Variants in NR5A2 observed in about 807,000 individuals in gnomAD.
NR5A2 encodes the protein CYP7A promoter-binding factor.
A neutral mutation model predicts 62.7 loss-of-function variants in NR5A2; 26 were observed. The ratio of observed to expected loss-of-function variants is 0.41; its 90% confidence interval spans 0.30 to 0.58. NR5A2 has a LOEUF of 0.58. NR5A2 is among the 20% of genes least tolerant of loss of function. The probability of loss-of-function intolerance (pLI) is 0.22; values close to 1 mark genes in which losing one functional copy is unlikely to be tolerated. For synonymous variants in NR5A2, 246 were observed against 241.7 expected, an observed-to-expected ratio of 1.02 and a Z score of -0.16; for missense variants, 541 against 669.1, an observed-to-expected ratio of 0.81 and a Z score of 2.11.
rs183184634 is a variant in NR5A2, at chr1:200,166,910, G to T, written c.1379-7053G>T. Among the ~76,000 whole-genome samples the T allele has an allele frequency of 3.3e-5, 5 of 152,324 alleles. No individual in the cohort carries two copies. In the East Asian group the frequency reaches 9.6e-4, roughly 29 times the overall value. On this transcript the variant is annotated intron_variant, in intron 7 of 7. Transcript: ENST00000367362. The stretch of plus-strand genomic sequence containing the variant: ...CACTTGTCACATTAATTGGTGTTTG[G>T]TAAATGTTATTTCCTCCCTCATTCT...
chr1:200,133,526 T>TATAC (rs1416690757), intron 7 of NR5A2, among the ~76,000 whole-genome samples: 25 of 87,412 alleles, frequency 2.9e-4, no homozygotes, highest in African/African-American at 7.8e-4. Context: ...TATATATATA[T>TATAC]ACACACACAT....
chr1:200,039,312 A>C lies in NR5A2; in HGVS notation c.65-346A>C, dbSNP rs942621924. Among the ~76,000 whole-genome samples the C allele has an allele frequency of 1.3e-5, 2 of 151,974 alleles. No homozygotes were observed. Among genetic ancestry groups the C allele is most frequent in the African/African-American group, 4.8e-5 (2 of 41,410 alleles). On this transcript the variant is annotated intron_variant, in intron 1 of 7. Coordinates refer to ENST00000367362, the MANE Select transcript of NR5A2 (RefSeq NM_205860.3). This position sits in a 1 kb window ranked among gnomAD's most constrained non-coding sequence, Gnocchi z 5.1. ...TGGCAGCGGCACAGCCGGGGCGGCA[A>C]TAGCAGCCCCGCGGTCGCCTCCGCT...
rs374594498 is a variant in NR5A2, at chr1:200,048,512, C to T, written c.804C>T (p.Ala268=). The part of the protein sequence containing the change: ...YQTYGHFPSR[A]IKSEYPDPYT... ...CATATGGCCACTTTCCTAGCCGGGCCATCAAGTCTGAGTACCCAGACCCCT... is the reference window on the plus strand; with the variant it reads ...CATATGGCCACTTTCCTAGCCGGGCTATCAAGTCTGAGTACCCAGACCCCT... The change falls in exon 5 of 8, where the codon GCC becomes GCT. Residue 268 remains alanine (A), a synonymous_variant. Coordinates refer to ENST00000367362, the MANE Select transcript of NR5A2 (RefSeq NM_205860.3). This position sits in a 1 kb window ranked among gnomAD's most constrained non-coding sequence, Gnocchi z 4.8. 2 of 1,614,190 alleles carry T rather than the reference C, an allele frequency of 1.2e-6. No homozygotes were observed. Among genetic ancestry groups the T allele is most frequent in the South Asian group, 2.2e-5 (2 of 91,080 alleles).
Position 200,048,743 on chromosome 1 carries a change from G to A in NR5A2, c.1035G>A (p.Met345Ile). 3.1e-6 allele frequency: 5 copies of A among 1,614,228 alleles called. No homozygotes were observed. Among genetic ancestry groups the A allele is most frequent in the Non-Finnish European group, 3.4e-6 (4 of 1,180,038 alleles). The stretch of plus-strand genomic sequence containing the variant: ...AAAAGCTGAGCACCTTTGGGCTTAT[G>A]TGCAAAATGGCAGATCAAACTCTCT... ...KHEKLSTFGL[M>I]CKMADQTLFS... The change falls in exon 5 of 8, where the codon ATG (methionine) becomes ATA (isoleucine). Residue 345 changes from methionine to isoleucine, a missense_variant. Met to Ile is a conservative substitution (Grantham distance 10). Around this residue, in one of 3 missense-constraint regions of NR5A2, gnomAD observed 379 missense variants for 442.0 expected, o/e 0.86. Coordinates refer to ENST00000367362, the MANE Select transcript of NR5A2 (RefSeq NM_205860.3). This position sits in a 1 kb window ranked among gnomAD's most constrained non-coding sequence, Gnocchi z 4.8.
chr1:200,091,671 G>T (rs1664822643), intron 5 of NR5A2, among the ~76,000 whole-genome samples: 1 of 151,990 alleles, frequency 6.6e-6, no homozygotes, highest in African/African-American at 2.4e-5. Flanking sequence ...TTTTAATAGA[G>T]ATCGGGTTTC....
At chr1:200,145,924 A>G (rs1667680034) in intron 7 of NR5A2, among the ~76,000 whole-genome samples, 1 of 152,262 alleles carries the variant, frequency 6.6e-6, no homozygotes, top group African/African-American at 2.4e-5. Flanking sequence ...GTACACAGAT[A>G]TAAGTACACC....
chr1:200,142,464 G>A (rs1210967736), intron 7 of NR5A2, among the ~76,000 whole-genome samples: 1 of 151,686 alleles, frequency 6.6e-6, no homozygotes, highest in Non-Finnish European at 1.5e-5. Flanking sequence ...CCAAAGTGCT[G>A]GGATTATAGG....
Position 200,039,714 on chromosome 1 carries a change from A to G in NR5A2, c.121A>G (p.Met41Val). Reference protein sequence around the residue: ...SPIPARGRLVMLPKVETEALG... With the variant: ...SPIPARGRLVVLPKVETEALG... Reference sequence around the variant, plus strand: ...CATCCCCGCCCGCGGTCGCCTTGTCATGCTGCCCAAAGTGGAGACGGAAGC... The same window carrying G: ...CATCCCCGCCCGCGGTCGCCTTGTCGTGCTGCCCAAAGTGGAGACGGAAGC... The change falls in exon 2 of 8, where the codon ATG (methionine) becomes GTG (valine). Residue 41 changes from methionine to valine, a missense_variant. Around this residue, in one of 3 missense-constraint regions of NR5A2, gnomAD observed 108 missense variants for 103.3 expected, o/e 1.05. Coordinates refer to ENST00000367362, the MANE Select transcript of NR5A2 (RefSeq NM_205860.3). The surrounding 1 kb of genome is among the most constrained non-coding windows in gnomAD (Gnocchi z 5.1). 1.2e-6 allele frequency: 2 copies of G among 1,611,840 alleles called. No individual in the cohort carries two copies. The highest frequency in any genetic ancestry group is 8.5e-7 in the Non-Finnish European group (1 of 1,179,032).
chr1:200,028,683 C>T (rs1049387551), intron 1 of NR5A2, among the ~76,000 whole-genome samples: 5 of 152,162 alleles, frequency 3.3e-5, no homozygotes, highest in African/African-American at 1.2e-4. Context: ...AAGTCAGGCC[C>T]TTCTGCCTTT....
At position 200,111,370 on chromosome 1, in the gene NR5A2, T is replaced by C. The variant is rs1011284704; in HGVS notation, c.1230+49T>C. 4 of 1,565,882 alleles carry C rather than the reference T, an allele frequency of 2.6e-6. No homozygotes were observed. In the African/African-American group the frequency reaches 4.2e-5, roughly 16 times the overall value. On this transcript the variant is annotated intron_variant, in intron 6 of 7. Transcript: ENST00000367362. ...AAAAAAAGCATCTTTTTATTAAGCA[T>C]GTTCAGAATGGCCGGAATTTAACTA...
chr1:200,063,169 G>T (rs183275951), intron 5 of NR5A2, among the ~76,000 whole-genome samples: 1 of 151,772 alleles, frequency 6.6e-6, no homozygotes, highest in Non-Finnish European at 1.5e-5. Flanking sequence ...GATTACAGGC[G>T]CATGCCACCA....
rs555260990 is a variant in NR5A2 at position 200,059,089 on chromosome 1, G to A, written c.1110+10271G>A. ...CGCACTACTGCACTCCAGCCTGGGC[G>A]GCAGAGTGAGACTTTGTCTTAAAAA... On this transcript the variant is annotated intron_variant, in intron 5 of 7. Coordinates refer to ENST00000367362, the MANE Select transcript of NR5A2 (RefSeq NM_205860.3). Among the ~76,000 whole-genome samples, 11 of 152,004 alleles carry A rather than the reference G, an allele frequency of 7.2e-5. No homozygotes were observed. The East Asian group carries it at 1.6e-3, about 22-fold the overall frequency.
At chr1:200,123,848 C>T (rs1010922099) in intron 7 of NR5A2, among the ~76,000 whole-genome samples, 8 of 144,288 alleles carry the variant, frequency 5.5e-5, no homozygotes, top group African/African-American at 7.8e-5. Context: ...GGTGCCCAGG[C>T]GGGAGTGCAA....
chr1:200,040,685 C>T (rs553433847), intron 2 of NR5A2, among the ~76,000 whole-genome samples: 8 of 152,322 alleles, frequency 5.3e-5, no homozygotes, highest in South Asian at 2.1e-4. Flanking sequence ...ATGTGCGGGC[C>T]GGCGGGCCTG....
intron 5 of NR5A2, among the ~76,000 whole-genome samples, chr1:200,063,104 A>AC (rs1337375763): frequency 4.6e-5 from 7 of 151,712 alleles, no homozygotes; most frequent in African/African-American, 1.7e-4. Flanking sequence ...GCTCACTGCA[A>AC]CCCCTGCCTC....
intron 3 of NR5A2, among the ~76,000 whole-genome samples, 154 bp from the exon 4 acceptor site, chr1:200,045,289 G>T (rs964277662): frequency 1.3e-5 from 2 of 152,154 alleles, no homozygotes; most frequent in African/African-American, 2.4e-5. Flanking sequence ...GTTTGGGAAG[G>T]TTGATGTTGC....
At chr1:200,074,657 A>G (rs1483250937) in intron 5 of NR5A2, among the ~76,000 whole-genome samples, 9 of 146,030 alleles carry the variant, frequency 6.2e-5, no homozygotes, top group Non-Finnish European at 1.3e-4. Context: ...GAATGGCGGG[A>G]ACCCAGGAGG....
intron 7 of NR5A2, among the ~76,000 whole-genome samples, chr1:200,145,360 A>ATT (rs201669447): frequency 2.0e-4 from 30 of 149,480 alleles, no homozygotes; most frequent in African/African-American, 6.1e-4. Context: ...AGTAATGGCA[A>ATT]TTTTTTTTTT....
At chr1:200,120,590 G>A in intron 6 of NR5A2, among the ~76,000 whole-genome samples, 1 of 152,174 alleles carries the variant, frequency 6.6e-6, no homozygotes, top group East Asian at 1.9e-4. Flanking sequence ...AGGCATGGTG[G>A]CTTGGGCCTG....
Sources: allele counts gnomAD v4.1 joint callset (sites outside exome capture counted in the v4.1 genomes callset), GRCh38; gene constraint gnomAD v4.1.1; regional missense constraint gnomAD v4.1.1; non-coding constraint Gnocchi (gnomAD v3.1); transcripts MANE v1.5; gene names NCBI Gene and HGNC (gene_info 2026-07-23, HGNC 2026-07-21).